UTRN: variants seen among roughly 807,000 people sequenced by gnomAD.
UTRN encodes the protein utrophin.
A neutral mutation model predicts 463.9 loss-of-function variants in UTRN; 283 were observed. The observed-to-expected ratio is 0.61, with a 90% CI of 0.55 to 0.67. The LOEUF is 0.67. Among genes scored for constraint, UTRN ranks in the 30% least tolerant of loss-of-function variants. The pLI is 0.00. For missense variants in UTRN, 3,922 were observed against 4,084.3 expected (o/e 0.96, Z 1.08); for synonymous variants, 1,442 against 1,431.5 (o/e 1.01, Z -0.17).
chr6:144,765,666 C>T (rs1031089169), intron 58 of UTRN, among the ~76,000 whole-genome samples: 2 of 152,158 alleles, frequency 1.3e-5, no homozygotes, highest in Non-Finnish European at 2.9e-5. Flanking sequence ...CTGCTTTGGC[C>T]TCCCCAAATG....
intron 50 of UTRN, among the ~76,000 whole-genome samples, chr6:144,565,054 G>T (rs978756283): frequency 5.3e-5 from 8 of 152,158 alleles, no homozygotes; most frequent in African/African-American, 1.7e-4. Context: ...TGGTCCAACT[G>T]GGACATGGTG....
At chr6:144,408,180 G>C (rs1019868582) in intron 3 of UTRN, among the ~76,000 whole-genome samples, 3 of 152,202 alleles carry the variant, frequency 2.0e-5, no homozygotes, top group Non-Finnish European at 4.4e-5. Context: ...GTCCTGATCT[G>C]TGGATCCGTG....
intron 2 of UTRN, among the ~76,000 whole-genome samples, chr6:144,381,089 G>A (rs1237292946): frequency 6.6e-6 from 1 of 151,952 alleles, no homozygotes; most frequent in African/African-American, 2.4e-5. Context: ...GTCACAGGAT[G>A]GGGGTTTGTT....
chr6:144,645,350 C>T (rs566756663), intron 51 of UTRN, among the ~76,000 whole-genome samples: 1 of 152,108 alleles, frequency 6.6e-6, no homozygotes, highest in African/African-American at 2.4e-5. Context: ...ACTTATAGTC[C>T]TTAGATACTG....
At chr6:144,424,401 T>A (rs987274030) in intron 6 of UTRN, among the ~76,000 whole-genome samples, 1 of 152,176 alleles carries the variant, frequency 6.6e-6, no homozygotes, top group Non-Finnish European at 1.5e-5. Flanking sequence ...TCTGTCAAAT[T>A]TCCTCTTTTT....
rs369105247 is a variant in UTRN at position 144,514,642 on chromosome 6, A to G, written c.5074-8A>G. The G allele has an allele frequency of 6.2e-7, 1 of 1,611,316 alleles. No individual in the cohort carries two copies. The highest frequency in any genetic ancestry group is 8.5e-7 in the Non-Finnish European group (1 of 1,179,112). On this transcript the variant is annotated splice_region_variant and splice_polypyrimidine_tract_variant and intron_variant, in intron 36 of 74. Coordinates refer to ENST00000367545, the MANE Select transcript of UTRN (RefSeq NM_007124.3). Reference sequence around the variant, plus strand: ...CCATGAGATAATTTTGTGTTTTCTTATAATTAGCGTTTAGTATCTGAGCTG... The same window carrying G: ...CCATGAGATAATTTTGTGTTTTCTTGTAATTAGCGTTTAGTATCTGAGCTG...
chr6:144,346,896 A>G (rs868426731), intron 2 of UTRN, among the ~76,000 whole-genome samples: 1 of 151,794 alleles, frequency 6.6e-6, no homozygotes, highest in African/African-American at 2.4e-5. Context: ...CTATCTATCT[A>G]TCTATCTATC....
chr6:144,838,699 G>A (rs775026546), intron 71 of UTRN, among the ~76,000 whole-genome samples: 6 of 152,148 alleles, frequency 3.9e-5, no homozygotes, highest in Non-Finnish European at 8.8e-5. Context: ...AGGTTCTACA[G>A]TTTTCCCAGA....
intron 3 of UTRN, among the ~76,000 whole-genome samples, chr6:144,419,476 A>G (rs920382000): frequency 1.3e-5 from 2 of 152,200 alleles, no homozygotes; most frequent in Non-Finnish European, 2.9e-5. Flanking sequence ...GCTAAAAATT[A>G]TGAGTTGGCT....
At chr6:144,326,202 G>A (rs1474716187) in intron 2 of UTRN, among the ~76,000 whole-genome samples, 2 of 151,950 alleles carry the variant, frequency 1.3e-5, no homozygotes, top group Non-Finnish European at 2.9e-5. Context: ...GAGATAGACT[G>A]TAGAAATCAT....
chr6:144,560,458 T>G (rs1799766865), intron 50 of UTRN, among the ~76,000 whole-genome samples: 1 of 152,114 alleles, frequency 6.6e-6, no homozygotes, highest in South Asian at 2.1e-4. Context: ...TACGTGGCCA[T>G]CACACCCCGT....
At chr6:144,838,282 A>T (rs1448781898) in intron 71 of UTRN, among the ~76,000 whole-genome samples, 1 of 152,166 alleles carries the variant, frequency 6.6e-6, no homozygotes, top group Non-Finnish European at 1.5e-5. Context: ...GCTTTTAGAG[A>T]TAGCTAATAT....
chr6:144,637,282 A>G (rs1284801215), intron 51 of UTRN, among the ~76,000 whole-genome samples: 1 of 152,048 alleles, frequency 6.6e-6, no homozygotes, highest in African/African-American at 2.4e-5. Flanking sequence ...GTGCTTCTTG[A>G]TTTCTATCAT....
intron 34 of UTRN, among the ~76,000 whole-genome samples, chr6:144,506,590 C>G (rs1008380776): frequency 9.2e-5 from 14 of 152,168 alleles, no homozygotes; most frequent in African/African-American, 2.9e-4. Flanking sequence ...ATATTAGCCC[C>G]CATTCTCTTC....
intron 51 of UTRN, among the ~76,000 whole-genome samples, chr6:144,643,971 A>G (rs1778040068): frequency 6.6e-6 from 1 of 152,124 alleles, no homozygotes; most frequent in African/African-American, 2.4e-5. Context: ...TATTTTCATC[A>G]TCTTCCTGAA....
chr6:144,529,780 C>T (rs1285227208), intron 41 of UTRN, among the ~76,000 whole-genome samples: 5 of 151,736 alleles, frequency 3.3e-5, no homozygotes, highest in Admixed American at 6.6e-5. Context: ...TATTAGGAGC[C>T]ATTTTATTTA....
chr6:144,627,796 G>GTTTTT (rs34178832), intron 51 of UTRN, among the ~76,000 whole-genome samples: 3 of 112,118 alleles, frequency 2.7e-5, no homozygotes, highest in Non-Finnish European at 3.6e-5. Context: ...TTCCTTCTGT[G>GTTTTT]TTTTTTTTTT....
chr6:144,748,123 C>G lies in UTRN; in HGVS notation c.7940-123C>G, dbSNP rs1415671924. The G allele has an allele frequency of 3.9e-6, 5 of 1,271,596 alleles. No individual in the cohort carries two copies. The African/African-American group carries it at 7.6e-5, about 19-fold the overall frequency. The allele number at this position is 1,271,596 out of a possible 1,614,324, so 78.8% of individuals were successfully genotyped here. A position where few individuals can be genotyped will look rare whatever the true frequency, so the allele number is the denominator to read the frequency against. On this transcript the variant is annotated intron_variant, in intron 54 of 74. Coordinates refer to ENST00000367545, the MANE Select transcript of UTRN (RefSeq NM_007124.3). ...TTTCTTACCCTGGACAATTTTTACC[C>G]TGGAGTAATTTTTTCTTACTTTTTC...
At chr6:144,439,039 A>G (rs938175390) in intron 12 of UTRN, 144 bp downstream of exon 12, 25 of 882,078 alleles carry the variant, frequency 2.8e-5, no homozygotes, top group Admixed American at 5.2e-5. Context: ...CACAGGGTGG[A>G]ATTGATAGAG....
Sources: gnomAD v4.1 joint callset for allele counts (sites outside exome capture counted in the v4.1 genomes callset) on GRCh38, gnomAD v4.1.1 for gene constraint, MANE v1.5 for transcripts, NCBI Gene and HGNC (gene_info 2026-07-23, HGNC 2026-07-21) for gene names.